KCNQ1: variants seen among roughly 807,000 people sequenced by gnomAD.
The protein encoded by KCNQ1 is potassium voltage-gated channel subfamily Q member 1.
In KCNQ1, 49 loss-of-function variants were observed where a neutral mutation model predicts 72.4. The ratio of observed to expected loss-of-function variants is 0.68; its 90% CI spans 0.54 to 0.86. The LOEUF is 0.86. Ranked by LOEUF, KCNQ1 falls within the 40% of genes least tolerant of loss-of-function variation. The pLI is 0.00. For missense variants in KCNQ1, 790 were observed against 945.1 expected (o/e 0.84, Z 2.15); for synonymous variants, 450 against 412.6 (o/e 1.09, Z -1.10).
chr11:2,696,734 C>A, intron 11 of KCNQ1: 1 of 398,582 alleles, frequency 2.5e-6, no homozygotes, highest in Admixed American at 4.4e-5. Flanking sequence ...CTATATCCTC[C>A]AATAGAGTTT....
Position 2,766,368 on chromosome 11 carries a change from C to G in KCNQ1, c.1515-2476C>G, listed in dbSNP as rs1373637177. ...AGTGGTCTCTGTTGTCCTCACGTGT[C>G]TGGAGCCACTGGGTTGTCAGCCAGG... On this transcript the variant is annotated intron_variant, in intron 11 of 15. Coordinates refer to ENST00000155840, the MANE Select transcript of KCNQ1 (RefSeq NM_000218.3). This position sits in a 1 kb window ranked among gnomAD's most constrained non-coding sequence, Gnocchi z 4.4. 6.6e-6 allele frequency among the ~76,000 whole-genome samples: 1 copy of G among 152,208 alleles called. No individual in the cohort carries two copies. Among genetic ancestry groups the G allele is most frequent in the East Asian group, 1.9e-4 (1 of 5,204 alleles).
In KCNQ1 at chr11:2,624,284, A is replaced by G. The variant is rs1849226329; in HGVS notation, c.1393+35430A>G. The G allele has an allele frequency of 5.0e-6, 2 of 398,476 alleles. No homozygotes were observed. Among genetic ancestry groups the G allele is most frequent in the Non-Finnish European group, 8.8e-6 (2 of 226,010 alleles). 24.7% of individuals were successfully genotyped at this position (398,476 alleles called of 1,614,324 possible). A position where few individuals can be genotyped will look rare whatever the true frequency, so the allele number is the denominator to read the frequency against. ...TCAGATTGTTTGTTTTCTAATTGTT[A>G]TGTTTTTAAGGTTCTTTATATATTT... On this transcript the variant is annotated intron_variant, in intron 10 of 15. Coordinates refer to ENST00000155840, the MANE Select transcript of KCNQ1 (RefSeq NM_000218.3). The surrounding 1 kb of genome is among the most constrained non-coding windows in gnomAD (Gnocchi z 4.9).
chr11:2,737,000 C>G (rs1165046767), intron 11 of KCNQ1, among the ~76,000 whole-genome samples: 1 of 152,212 alleles, frequency 6.6e-6, no homozygotes, highest in Non-Finnish European at 1.5e-5. Flanking sequence ...CCTGAGTGCC[C>G]CTCGCCAGCA....
intron 9 of KCNQ1, among the ~76,000 whole-genome samples, 155 bp downstream of exon 9, chr11:2,587,847 C>G (rs1291036872): frequency 2.0e-5 from 3 of 152,156 alleles, no homozygotes; most frequent in African/African-American, 7.2e-5. Flanking sequence ...GGCCATACAC[C>G]CGATGCTAGG....
At chr11:2,532,965 G>A (rs1402708620) in intron 2 of KCNQ1, among the ~76,000 whole-genome samples, 1 of 152,206 alleles carries the variant, frequency 6.6e-6, no homozygotes, top group Non-Finnish European at 1.5e-5. Flanking sequence ...GCCAGAGGGC[G>A]CTCGTGCTAC....
In KCNQ1 at chr11:2,817,602, C is replaced by T. The variant is rs183277761; in HGVS notation, c.1795-30165C>T. 0.021 allele frequency among the ~76,000 whole-genome samples: 3,200 copies of T among 152,156 alleles called. 87 individuals are homozygous for T. Among genetic ancestry groups the T allele is most frequent in the African/African-American group, 0.069 (2,854 of 41,492 alleles). Reference sequence around the variant, plus strand: ...TGTCCCTGGCCAGGGAGGTGGAGGACGCTGGGCAGAGCCCTGGGCATTAAC... The same window carrying T: ...TGTCCCTGGCCAGGGAGGTGGAGGATGCTGGGCAGAGCCCTGGGCATTAAC... On this transcript the variant is annotated intron_variant, in intron 15 of 15. Transcript: ENST00000155840. The surrounding 1 kb of genome is among the most constrained non-coding windows in gnomAD (Gnocchi z 6.1).
At chr11:2,737,317 G>A (rs776435375) in intron 11 of KCNQ1, among the ~76,000 whole-genome samples, 14 of 152,132 alleles carry the variant, frequency 9.2e-5, no homozygotes, top group African/African-American at 2.9e-4. Context: ...GTGGATGTCC[G>A]GCCACTGCCC....
At chr11:2,672,709 A>C (rs900489527) in intron 11 of KCNQ1, 6 of 398,778 alleles carry the variant, frequency 1.5e-5, no homozygotes, top group Admixed American at 4.4e-5. Context: ...AGCCAAGGCC[A>C]GATGTCAGGT....
intron 15 of KCNQ1, among the ~76,000 whole-genome samples, chr11:2,841,986 C>T (rs1349937598): frequency 7.2e-5 from 11 of 152,302 alleles, no homozygotes; most frequent in Admixed American, 5.2e-4. Context: ...AGGCCTCTGC[C>T]GCATGGTTGC....
chr11:2,537,682 A>T lies in KCNQ1; in HGVS notation c.477+9664A>T, dbSNP rs1379238241. Among the ~76,000 whole-genome samples the T allele has an allele frequency of 1.3e-5, 2 of 150,820 alleles. No homozygotes were observed. Among genetic ancestry groups the T allele is most frequent in the Non-Finnish European group, 2.9e-5 (2 of 68,010 alleles). On this transcript the variant is annotated intron_variant, in intron 2 of 15. Coordinates refer to ENST00000155840, the MANE Select transcript of KCNQ1 (RefSeq NM_000218.3). This position sits in a 1 kb window ranked among gnomAD's most constrained non-coding sequence, Gnocchi z 5.2. ...CGTTTCTCTCTATATGCAAAAACCT[A>T]TATGGGTTTTGTGGGGTTTTTTGTT... is the stretch of plus-strand genomic sequence containing the variant.
chr11:2,651,581 G>A lies in KCNQ1; in HGVS notation c.1394-10380G>A. On this transcript the variant is annotated intron_variant, in intron 10 of 15. Transcript: ENST00000155840. The surrounding 1 kb of genome is among the most constrained non-coding windows in gnomAD (Gnocchi z 6.1). ...TGTGTTCTTTACCTCCATGTCTCCAGTGCCTGCCACATAGCAGGTCCTCCA... is the reference window on the plus strand; with the variant it reads ...TGTGTTCTTTACCTCCATGTCTCCAATGCCTGCCACATAGCAGGTCCTCCA... 2.5e-6 allele frequency: 1 copy of A among 398,652 alleles called. No homozygotes were observed. Among genetic ancestry groups the A allele is most frequent in the Non-Finnish European group, 4.4e-6 (1 of 226,092 alleles). The allele number at this position is 398,652 out of a possible 1,614,324, so 24.7% of individuals were successfully genotyped here.
chr11:2,684,127 C>T (rs1399562152), intron 11 of KCNQ1: 5 of 398,464 alleles, frequency 1.3e-5, no homozygotes, highest in African/African-American at 2.1e-5. Context: ...TTAAGGGGAC[C>T]GTTTCCCTTG....
At position 2,515,574 on chromosome 11, in the gene KCNQ1, A is replaced by G. The variant is rs1294491634; in HGVS notation, c.387-12354A>G. ...GGCCTCGCCCAGGCAGAGCCTCGCC[A>G]TTTCTGGGGTGGGGGGTGCACAGGT... On this transcript the variant is annotated intron_variant, in intron 1 of 15. Transcript: ENST00000155840. This position sits in a 1 kb window ranked among gnomAD's most constrained non-coding sequence, Gnocchi z 4.7. Among the ~76,000 whole-genome samples the G allele has an allele frequency of 1.3e-5, 2 of 151,958 alleles. No homozygotes were observed. Among genetic ancestry groups the G allele is most frequent in the African/African-American group, 4.8e-5 (2 of 41,376 alleles).
At position 2,611,353 on chromosome 11, in the gene KCNQ1, G is replaced by A. The variant is rs1345601345; in HGVS notation, c.1393+22499G>A. The A allele has an allele frequency of 1.3e-5, 5 of 397,320 alleles. No individual in the cohort carries two copies. In the Admixed American group the frequency reaches 1.8e-4, roughly 14 times the overall value. The allele number at this position is 397,320 out of a possible 1,614,324, so 24.6% of individuals were successfully genotyped here. A position where few individuals can be genotyped will look rare whatever the true frequency, so the allele number is the denominator to read the frequency against. ...TCTTGCCTCAGCATCCCAAGTAGCT[G>A]GGACTACAGGCATTTGCCACCATAC... On this transcript the variant is annotated intron_variant, in intron 10 of 15. Transcript: ENST00000155840. This position sits in a 1 kb window ranked among gnomAD's most constrained non-coding sequence, Gnocchi z 5.3.
rs1164716072 is a variant in KCNQ1, at chr11:2,471,764, ATGGGTGTGTGCATGTGAT to A, written c.386+26297_386+26314del. Among the ~76,000 whole-genome samples, 18 of 144,686 alleles carry A rather than the reference ATGGGTGTGTGCATGTGAT, an allele frequency of 1.2e-4. No individual in the cohort carries two copies. In the South Asian group the frequency reaches 2.0e-3, roughly 16 times the overall value. 94.9% of individuals were successfully genotyped at this position (144,686 alleles called of 152,430 possible). ...TGCATGGGCGTGTGTGTACTTGTGT[ATGGGTGTGTGCATGTGAT>A]TGGGTGTGTGCATGTGTATATAGGT... On this transcript the variant is annotated intron_variant, in intron 1 of 15. Coordinates refer to ENST00000155840, the MANE Select transcript of KCNQ1 (RefSeq NM_000218.3). The surrounding 1 kb of genome is among the most constrained non-coding windows in gnomAD (Gnocchi z 4.8).
chr11:2,669,801 C>T lies in KCNQ1; in HGVS notation c.1514+7720C>T. The T allele has an allele frequency of 2.5e-6, 1 of 398,616 alleles. No individual in the cohort carries two copies. Among genetic ancestry groups the T allele is most frequent in the African/African-American group, 2.1e-5 (1 of 48,732 alleles). 24.7% of individuals were successfully genotyped at this position (398,616 alleles called of 1,614,324 possible). ...CCTGTGGGGACATTCCTTATTTGGCCTGAGAGCTTTTGAGACTGCCAGGTC... is the reference window on the plus strand; with the variant it reads ...CCTGTGGGGACATTCCTTATTTGGCTTGAGAGCTTTTGAGACTGCCAGGTC... On this transcript the variant is annotated intron_variant, in intron 11 of 15. Coordinates refer to ENST00000155840, the MANE Select transcript of KCNQ1 (RefSeq NM_000218.3). This position sits in a 1 kb window ranked among gnomAD's most constrained non-coding sequence, Gnocchi z 5.6.
At chr11:2,804,006 G>A (rs1450717703) in intron 15 of KCNQ1, among the ~76,000 whole-genome samples, 3 of 152,178 alleles carry the variant, frequency 2.0e-5, no homozygotes, top group Non-Finnish European at 4.4e-5. Flanking sequence ...GTATCGGGGA[G>A]TCGAAGGCAG....
intron 15 of KCNQ1, among the ~76,000 whole-genome samples, chr11:2,833,359 C>A (rs575684522): frequency 6.6e-6 from 1 of 152,318 alleles, no homozygotes; most frequent in South Asian, 2.1e-4. Flanking sequence ...GCCCACATGC[C>A]CCACCCCTCT....
chr11:2,649,277 C>A (rs1324512882), intron 10 of KCNQ1: 1 of 398,172 alleles, frequency 2.5e-6, no homozygotes, highest in Admixed American at 4.4e-5. Flanking sequence ...GATTTGTATA[C>A]TTTTGTTTCC....
Sources: gnomAD v4.1 joint callset for allele counts (sites outside exome capture counted in the v4.1 genomes callset) on GRCh38, gnomAD v4.1.1 for gene constraint, Gnocchi (gnomAD v3.1) non-coding constraint, MANE v1.5 for transcripts, NCBI Gene and HGNC (gene_info 2026-07-23, HGNC 2026-07-21) for gene names.